The following PCDHA10 variants were observed in gnomAD, a reference collection of about 807,000 sequenced individuals.
PCDHA10 encodes protocadherin alpha 10, also known as protocadherin alpha-10.
PCDHA10 carries 45 observed loss-of-function variants against 61.2 expected under a neutral mutation model. The observed-to-expected ratio is 0.74, with a 90% confidence interval of 0.58 to 0.94. PCDHA10 has a LOEUF of 0.94. Among genes scored for constraint, PCDHA10 ranks in the 40% least tolerant of loss-of-function variants. The pLI, the probability that PCDHA10 is intolerant of heterozygous loss-of-function variation, is 0.00. For missense variants in PCDHA10, 1,278 were observed against 1,236.2 expected (o/e 1.03, Z -0.51); for synonymous variants, 602 against 548.8 (o/e 1.10, Z -1.35).
In PCDHA10 at chr5:140,857,392, C is replaced by G. The variant is rs142727326; in HGVS notation, c.1344C>G (p.Asn448Lys). Residue 448 changes from asparagine (N) to lysine (K), a missense_variant, in exon 1 of 4, where the codon AAC becomes AAG. Coordinates refer to ENST00000307360, the MANE Select transcript of PCDHA10 (RefSeq NM_018901.4). ...ASVSVEVADV[N>K]DNAPAFAQSE... ...TGTCTGTGGAGGTGGCCGACGTGAA[C>G]GACAACGCGCCTGCGTTCGCGCAGT... The G allele has an allele frequency of 1.3e-6, 2 of 1,598,470 alleles. No homozygotes were observed. The highest frequency in any genetic ancestry group is 1.3e-5 in the African/African-American group (1 of 74,488).
Position 141,009,908 on chromosome 5 carries a change from A to G in PCDHA10, c.2818A>G (p.Asn940Asp), listed in dbSNP as rs1295693430. The G allele has an allele frequency of 6.2e-7, 1 of 1,612,848 alleles. No individual in the cohort carries two copies. Among genetic ancestry groups the G allele is most frequent in the Non-Finnish European group, 8.5e-7 (1 of 1,179,798 alleles). Residue 940 changes from asparagine to aspartate, a missense_variant, in exon 4 of 4, where the codon AAC (asparagine) becomes GAC (aspartate). By Grantham distance (23) the Asn-to-Asp change is conservative (BLOSUM62 1). Transcript: ENST00000307360. Reference sequence around the variant, plus strand: ...GACCCAGGAGAAAAAAGAGAAAGGGAACAGCACGACTGACAACAGTGACCA... The same window carrying G: ...GACCCAGGAGAAAAAAGAGAAAGGGGACAGCACGACTGACAACAGTGACCA... ...NKTQEKKEKG[N>D]STTDNSDQ
At chr5:140,902,575 T>A (rs1200474088) in intron 1 of PCDHA10, among the ~76,000 whole-genome samples, 1 of 152,082 alleles carries the variant, frequency 6.6e-6, no homozygotes, top group Non-Finnish European at 1.5e-5. Flanking sequence ...TTTTTAAGAT[T>A]TCAATAGTTT....
At chr5:140,877,653 C>A in intron 1 of PCDHA10, 1 of 1,613,522 alleles carries the variant, frequency 6.2e-7, no homozygotes, top group Non-Finnish European at 8.5e-7. Flanking sequence ...CAGCGCCGCC[C>A]ACCGTGAGCC....
At chr5:140,862,742 T>A (rs2047519053) in intron 1 of PCDHA10, 2 of 577,562 alleles carry the variant, frequency 3.5e-6, no homozygotes, top group East Asian at 4.8e-5. Context: ...TATGTGTGGG[T>A]GCACGCGGAG....
At chr5:140,940,557 T>C (rs1554213484) in intron 1 of PCDHA10, among the ~76,000 whole-genome samples, 1 of 152,204 alleles carries the variant, frequency 6.6e-6, no homozygotes. Context: ...CAAGTGATTC[T>C]CCTACCTTGG....
chr5:140,937,148 C>T (rs1400872734), intron 1 of PCDHA10, among the ~76,000 whole-genome samples: 6 of 151,842 alleles, frequency 4.0e-5, no homozygotes, highest in Non-Finnish European at 8.8e-5. Flanking sequence ...TGCCATTCTC[C>T]TGCCTCAGCC....
intron 1 of PCDHA10, among the ~76,000 whole-genome samples, chr5:140,911,235 A>G (rs1426271043): frequency 1.3e-5 from 2 of 152,146 alleles, no homozygotes; most frequent in Non-Finnish European, 2.9e-5. Flanking sequence ...TTCTTCTGGC[A>G]AAAAAAGTTT....
intron 3 of PCDHA10, among the ~76,000 whole-genome samples, chr5:141,008,546 A>G (rs2098381708): frequency 6.6e-6 from 1 of 150,382 alleles, no homozygotes; most frequent in Non-Finnish European, 1.5e-5. Flanking sequence ...TTTATTGAAA[A>G]CTCCTGTGGA....
chr5:140,997,668 TTG>T (rs35184029), intron 3 of PCDHA10, among the ~76,000 whole-genome samples: 38,693 of 147,760 alleles, frequency 0.26, 5,114 homozygotes, highest in Middle Eastern at 0.39. Flanking sequence ...ATTATACAGC[TTG>T]TGTGTGTGTG....
At chr5:140,902,729 C>T (rs1554190627) in intron 1 of PCDHA10, among the ~76,000 whole-genome samples, 1 of 152,068 alleles carries the variant, frequency 6.6e-6, no homozygotes, top group East Asian at 1.9e-4. Flanking sequence ...CCCTTCCCTC[C>T]AAGTCCCCCA....
chr5:140,884,138 G>A (rs782798249), intron 1 of PCDHA10: 3 of 1,613,410 alleles, frequency 1.9e-6, no homozygotes, highest in South Asian at 1.1e-5. Context: ...CCCGTTCCGC[G>A]TGGGGCTGTA....
intron 1 of PCDHA10, chr5:140,876,494 T>C: frequency 1.2e-6 from 2 of 1,614,062 alleles, no homozygotes; most frequent in African/African-American, 1.3e-5. Flanking sequence ...GTGGAAGTTC[T>C]GGACGTGAAT....
intron 1 of PCDHA10, chr5:140,966,461 C>A: frequency 2.3e-6 from 1 of 429,006 alleles, no homozygotes; most frequent in East Asian, 3.5e-5. Flanking sequence ...CCCCCTCTGT[C>A]TTCCCTTCTG....
intron 1 of PCDHA10, among the ~76,000 whole-genome samples, chr5:140,898,404 A>G (rs1170692741): frequency 1.3e-5 from 2 of 152,242 alleles, no homozygotes; most frequent in Non-Finnish European, 2.9e-5. Flanking sequence ...AGCTTTCTAC[A>G]TACGGCTAGC....
chr5:140,942,680 A>C (rs2093354394), intron 1 of PCDHA10, among the ~76,000 whole-genome samples: 1 of 152,218 alleles, frequency 6.6e-6, no homozygotes, highest in African/African-American at 2.4e-5. Context: ...AAGTTTTAGG[A>C]ATAACTTTAA....
Position 140,856,421 on chromosome 5 carries a change from A to T in PCDHA10, c.373A>T (p.Ile125Phe), listed in dbSNP as rs1554148675. 3.8e-6 allele frequency: 6 copies of T among 1,598,490 alleles called. No individual in the cohort carries two copies. In the South Asian group the frequency reaches 6.6e-5, roughly 18 times the overall value. Residue 125 changes from isoleucine (I) to phenylalanine (F), a missense_variant, in exon 1 of 4, where the codon ATT becomes TTT. Coordinates refer to ENST00000307360, the MANE Select transcript of PCDHA10 (RefSeq NM_018901.4). ...VFHVDVEVKD[I>F]NDNPPRFSVT... ...CCATGTGGACGTGGAAGTGAAGGACATTAACGACAACCCGCCCAGGTTCTC... is the reference window on the plus strand; with the variant it reads ...CCATGTGGACGTGGAAGTGAAGGACTTTAACGACAACCCGCCCAGGTTCTC...
Position 140,858,578 on chromosome 5 carries a change from A to T in PCDHA10, c.2388+142A>T. On this transcript the variant is annotated intron_variant, in intron 1 of 3. Coordinates refer to ENST00000307360, the MANE Select transcript of PCDHA10 (RefSeq NM_018901.4). ...GAATATTTCTAGTGATACCTTTGTA[A>T]TATAATTTATTCCAGGAGTTTTAAA... 3 of 1,350,438 alleles carry T rather than the reference A, an allele frequency of 2.2e-6. No homozygotes were observed. The South Asian group carries it at 4.1e-5, about 18-fold the overall frequency. 83.7% of individuals were successfully genotyped at this position (1,350,438 alleles called of 1,614,324 possible). A position where few individuals can be genotyped will look rare whatever the true frequency, so the allele number is the denominator to read the frequency against.
chr5:140,991,019 T>G (rs1333119856), intron 3 of PCDHA10, among the ~76,000 whole-genome samples: 1 of 152,178 alleles, frequency 6.6e-6, no homozygotes, highest in Non-Finnish European at 1.5e-5. Flanking sequence ...GATAAGCACT[T>G]TACATATGTT....
chr5:140,884,384 G>T (rs782701367), intron 1 of PCDHA10: 1 of 1,613,972 alleles, frequency 6.2e-7, no homozygotes. Flanking sequence ...TGCCATCTGC[G>T]CGGTGTCCAG....
Sources: allele counts gnomAD v4.1 joint callset (sites outside exome capture counted in the v4.1 genomes callset), GRCh38; gene constraint gnomAD v4.1.1; transcripts MANE v1.5; gene names NCBI Gene and HGNC (gene_info 2026-07-23, HGNC 2026-07-21).